GIMAP1: variants seen among roughly 807,000 people sequenced by gnomAD.
GIMAP1 encodes GTPase, IMAP family member 1.
For synonymous variants in GIMAP1, 230 were observed against 187.7 expected (o/e 1.23, Z -1.84); for missense variants, 423 against 411.9 (o/e 1.03, Z -0.23).
chr7:150,720,871 G>A lies in GIMAP1; in HGVS notation c.867G>A (p.Trp289Ter). Residue 289 changes from tryptophan (W) to a stop codon, truncating the protein, a stop_gained, in exon 3 of 3, where the codon TGG (tryptophan) becomes TGA (stop). Coordinates refer to ENST00000307194, the MANE Select transcript of GIMAP1 (RefSeq NM_130759.4). LOFTEE classifies it low-confidence loss of function (END_TRUNC). The surrounding 1 kb of genome is among the most constrained non-coding windows in gnomAD (Gnocchi z 4.5). ...TGCTGGGGGGCGCGCTCCTGTTCTG[G>A]GTGCTGCTCCACAGGCGGTGGTCGG... is the stretch of plus-strand genomic sequence containing the variant. ...ALLLGGALLF[W>*]VLLHRRWSEA... 1 of 1,603,160 alleles carries A rather than the reference G, an allele frequency of 6.2e-7. No homozygotes were observed. Among genetic ancestry groups the A allele is most frequent in the South Asian group, 1.1e-5 (1 of 90,492 alleles).
rs754697498 is a variant in GIMAP1 at position 150,720,346 on chromosome 7, G to A, written c.342G>A (p.Ala114=). Residue 114 remains alanine, a synonymous_variant, in exon 3 of 3, where the codon GCG becomes GCA. Coordinates refer to ENST00000307194, the MANE Select transcript of GIMAP1 (RefSeq NM_130759.4). This position sits in a 1 kb window ranked among gnomAD's most constrained non-coding sequence, Gnocchi z 4.5. ...TGCTCTCGGCCCCCGGACCCCACGC[G>A]CTGCTCCTGGTGACCCAGTTGGGTC... ...CYLLSAPGPH[A]LLLVTQLGRF... The A allele has an allele frequency of 1.6e-5, 26 of 1,611,710 alleles. No homozygotes were observed. The East Asian group carries it at 2.7e-4, about 17-fold the overall frequency.
rs576020458 is a variant in GIMAP1, at chr7:150,723,835, T to C, written c.*2910T>C. ...CCTTCCTCTCCTCTCCTTTTATCTC[T>C]TGGAAGATAAAAATGTATGGGTCCT... On this transcript the variant is annotated 3_prime_UTR_variant, in exon 3 of 3. Coordinates refer to ENST00000307194, the MANE Select transcript of GIMAP1 (RefSeq NM_130759.4). 1 of 152,322 alleles carries C rather than the reference T, an allele frequency of 6.6e-6. No individual in the cohort carries two copies. Among genetic ancestry groups the C allele is most frequent in the Non-Finnish European group, 1.5e-5 (1 of 68,036 alleles). The allele number at this position is 152,322 out of a possible 1,614,324, so 9.4% of individuals were successfully genotyped here.
Position 150,723,778 on chromosome 7 carries a change from T to C in GIMAP1, c.*2853T>C, listed in dbSNP as rs1023135559. The C allele has an allele frequency of 3.3e-5, 5 of 152,164 alleles. No homozygotes were observed. The highest frequency in any genetic ancestry group is 1.9e-4 in the East Asian group (1 of 5,200). 9.4% of individuals were successfully genotyped at this position (152,164 alleles called of 1,614,324 possible). On this transcript the variant is annotated 3_prime_UTR_variant, in exon 3 of 3. Transcript: ENST00000307194. ...AAAATACTGTCCAATACCTCAAAAA[T>C]TGTGTAAATATATATCCATTTCAAT...
rs568406517 is a variant in GIMAP1 at position 150,724,175 on chromosome 7, T to C, written c.*3250T>C. On this transcript the variant is annotated 3_prime_UTR_variant, in exon 3 of 3. Transcript: ENST00000307194. ...CTAGACTATGGCTCAACACTCATTT[T>C]TCCCCCATGATTCTTAATCTAACAG... is the stretch of plus-strand genomic sequence containing the variant. The C allele has an allele frequency of 1.3e-5, 2 of 152,204 alleles. No homozygotes were observed. Among genetic ancestry groups the C allele is most frequent in the East Asian group, 1.9e-4 (1 of 5,184 alleles). The allele number at this position is 152,204 out of a possible 1,614,324, so 9.4% of individuals were successfully genotyped here.
chr7:150,720,816 C>T lies in GIMAP1; in HGVS notation c.812C>T (p.Pro271Leu). ...CGGCTGTGGAAGTGGCTGAAGTCCC[C>T]CAGGAGCTGGAGGCTGGGCCTGGCC... ...SARLWKWLKS[P>L]RSWRLGLALL... is the part of the protein sequence containing the mutation. Residue 271 changes from proline to leucine, a missense_variant, in exon 3 of 3, where the codon CCC (proline) becomes CTC (leucine). Transcript: ENST00000307194. This position sits in a 1 kb window ranked among gnomAD's most constrained non-coding sequence, Gnocchi z 4.5. The T allele has an allele frequency of 6.3e-7, 1 of 1,598,926 alleles. No individual in the cohort carries two copies. Among genetic ancestry groups the T allele is most frequent in the Non-Finnish European group, 8.5e-7 (1 of 1,174,368 alleles).
chr7:150,719,446 A>C (rs1457065294), intron 2 of GIMAP1: 1 of 210,418 alleles, frequency 4.8e-6, no homozygotes, highest in Non-Finnish European at 9.3e-6. Flanking sequence ...TATTCTTTTT[A>C]GGCAGCCAGT....
Position 150,723,927 on chromosome 7 carries a change from A to G in GIMAP1, c.*3002A>G, listed in dbSNP as rs933398124. ...CTGGATCAGCTTTTGTTCTACACAA[A>G]AAGACTTGTATCTGGCTTATTTCTG... On this transcript the variant is annotated 3_prime_UTR_variant, in exon 3 of 3. Transcript: ENST00000307194. The G allele has an allele frequency of 6.6e-6, 1 of 152,198 alleles. No individual in the cohort carries two copies. Among genetic ancestry groups the G allele is most frequent in the Non-Finnish European group, 1.5e-5 (1 of 68,034 alleles). 9.4% of individuals were successfully genotyped at this position (152,198 alleles called of 1,614,324 possible).
chr7:150,718,180 G>A (rs1797244822), intron 1 of GIMAP1, among the ~76,000 whole-genome samples: 1 of 152,180 alleles, frequency 6.6e-6, no homozygotes, highest in African/African-American at 2.4e-5. Flanking sequence ...CATAGATGCA[G>A]GGAGAAGTGA....
chr7:150,719,120 G>GC (rs1346748992), intron 2 of GIMAP1, 30 bp downstream of exon 2: 5 of 1,613,766 alleles, frequency 3.1e-6, no homozygotes, highest in Non-Finnish European at 3.4e-6. Flanking sequence ...CCTCATACTT[G>GC]CCCCCCTAGG....
rs1794465006 is a variant in GIMAP1, at chr7:150,724,176, T to C, written c.*3251T>C. 6.6e-6 allele frequency: 1 copy of C among 152,140 alleles called. No individual in the cohort carries two copies. The highest frequency in any genetic ancestry group is 2.1e-4 in the South Asian group (1 of 4,812). The allele number at this position is 152,140 out of a possible 1,614,324, so 9.4% of individuals were successfully genotyped here. ...TAGACTATGGCTCAACACTCATTTTTCCCCCATGATTCTTAATCTAACAGT... is the reference window on the plus strand; with the variant it reads ...TAGACTATGGCTCAACACTCATTTTCCCCCCATGATTCTTAATCTAACAGT... On this transcript the variant is annotated 3_prime_UTR_variant, in exon 3 of 3. Coordinates refer to ENST00000307194, the MANE Select transcript of GIMAP1 (RefSeq NM_130759.4).
In GIMAP1 at chr7:150,720,670, C is replaced by A; in HGVS notation, c.666C>A (p.Asn222Lys). 6.2e-7 allele frequency: 1 copy of A among 1,603,996 alleles called. No individual in the cohort carries two copies. ...AGCACAAGGGCGCCCATTACTCCAA[C>A]GAGGTGTATGAGCTGGCGCAGGTGC... ...VLEHKGAHYSNEVYELAQVLR... is the reference protein window; with the variant it reads ...VLEHKGAHYSKEVYELAQVLR... The change falls in exon 3 of 3, where the codon AAC becomes AAA. Residue 222 changes from asparagine (N) to lysine (K), a missense_variant. Physicochemically the swap from Asn to Lys is moderately conservative, Grantham distance 94. Coordinates refer to ENST00000307194, the MANE Select transcript of GIMAP1 (RefSeq NM_130759.4). This position sits in a 1 kb window ranked among gnomAD's most constrained non-coding sequence, Gnocchi z 4.5.
Position 150,720,575 on chromosome 7 carries a change from C to T in GIMAP1, c.571C>T (p.Arg191Trp), listed in dbSNP as rs372451334. Residue 191 changes from arginine (R) to tryptophan (W), a missense_variant, in exon 3 of 3, where the codon CGG becomes TGG. Coordinates refer to ENST00000307194, the MANE Select transcript of GIMAP1 (RefSeq NM_130759.4). The surrounding 1 kb of genome is among the most constrained non-coding windows in gnomAD (Gnocchi z 4.5). ...GGGCCGGGTCTGTGCCTTTGATAAC[C>T]GGGCCACCGGCCGGGAGCAGGAAGC... ...CGGRVCAFDN[R>W]ATGREQEAQV... 6.3e-5 allele frequency: 102 copies of T among 1,613,436 alleles called. No individual in the cohort carries two copies. The highest frequency in any genetic ancestry group is 8.2e-5 in the Non-Finnish European group (97 of 1,179,756).
chr7:150,721,067 T>C lies in GIMAP1; in HGVS notation c.*142T>C, dbSNP rs1449299048. ...ACACAGAAAACTTTGCTGCATCACC[T>C]TTGCAACTTTGCCAAAGCTCAGAGT... On this transcript the variant is annotated 3_prime_UTR_variant, in exon 3 of 3. Transcript: ENST00000307194. 2.9e-6 allele frequency: 2 copies of C among 698,562 alleles called. No homozygotes were observed. The highest frequency in any genetic ancestry group is 3.2e-5 in the East Asian group (1 of 31,322). The allele number at this position is 698,562 out of a possible 1,614,324, so 43.3% of individuals were successfully genotyped here.
rs1186690036 is a variant in GIMAP1 at position 150,720,740 on chromosome 7, C to T, written c.736C>T (p.Arg246Cys). 1 of 1,564,848 alleles carries T rather than the reference C, an allele frequency of 6.4e-7. No homozygotes were observed. The highest frequency in any genetic ancestry group is 1.2e-5 in the South Asian group (1 of 86,262). The stretch of plus-strand genomic sequence containing the variant: ...GGAGCGGCTCCGGCGGGTGGCGGAG[C>T]GCGTGGCAGCCAGGGTGCAGAGGAG... ...PEERLRRVAERVAARVQRRPW... is the reference protein window; with the variant it reads ...PEERLRRVAECVAARVQRRPW... The change falls in exon 3 of 3, where the codon CGC becomes TGC. Residue 246 changes from arginine to cysteine, a missense_variant. Transcript: ENST00000307194. This position sits in a 1 kb window ranked among gnomAD's most constrained non-coding sequence, Gnocchi z 4.5.
In GIMAP1 at chr7:150,718,985, ATGCCTATTTG is replaced by A. The variant is rs1331755995; in HGVS notation, c.-6-56_-6-47del. On this transcript the variant is annotated intron_variant, in intron 1 of 2. Coordinates refer to ENST00000307194, the MANE Select transcript of GIMAP1 (RefSeq NM_130759.4). ...TAGGTGGTTATGCCTATTTGTGGTT[ATGCCTATTTG>A]AGGAATAAATAAATGAATTAACAAA... The A allele has an allele frequency of 2.4e-4, 272 of 1,149,154 alleles. 5 individuals carry two copies. In the East Asian group the frequency reaches 6.9e-3, roughly 29 times the overall value. 71.2% of individuals were successfully genotyped at this position (1,149,154 alleles called of 1,614,324 possible). A position where few individuals can be genotyped will look rare whatever the true frequency, so the allele number is the denominator to read the frequency against.
At position 150,720,310 on chromosome 7, in the gene GIMAP1, T is replaced by C; in HGVS notation, c.306T>C (p.Gly102=). The C allele has an allele frequency of 6.2e-7, 1 of 1,614,062 alleles. No individual in the cohort carries two copies. Among genetic ancestry groups the C allele is most frequent in the African/African-American group, 1.3e-5 (1 of 75,004 alleles). ...CAGATCCTGGCTGTGAGGAGAGAGGTCACTGCTACCTGCTCTCGGCCCCCG... is the reference window on the plus strand; with the variant it reads ...CAGATCCTGGCTGTGAGGAGAGAGGCCACTGCTACCTGCTCTCGGCCCCCG... ...SKTDPGCEER[G]HCYLLSAPGP... Residue 102 remains glycine (G), a synonymous_variant, in exon 3 of 3, where the codon GGT becomes GGC. Coordinates refer to ENST00000307194, the MANE Select transcript of GIMAP1 (RefSeq NM_130759.4). This position sits in a 1 kb window ranked among gnomAD's most constrained non-coding sequence, Gnocchi z 4.5.
In GIMAP1 at chr7:150,723,672, A is replaced by T. The variant is rs567086524; in HGVS notation, c.*2747A>T. ...TTGAGTGATTTGATAGCACAAATCA[A>T]TTTTATACTTAAATTACAGCATAAA... is the stretch of plus-strand genomic sequence containing the variant. On this transcript the variant is annotated 3_prime_UTR_variant, in exon 3 of 3. Coordinates refer to ENST00000307194, the MANE Select transcript of GIMAP1 (RefSeq NM_130759.4). 6.6e-5 allele frequency: 10 copies of T among 152,302 alleles called. No homozygotes were observed. The highest frequency in any genetic ancestry group is 2.2e-4 in the African/African-American group (9 of 41,552). 9.4% of individuals were successfully genotyped at this position (152,302 alleles called of 1,614,324 possible).
In GIMAP1 at chr7:150,720,020, A is replaced by G. The variant is rs759845980; in HGVS notation, c.44-28A>G. On this transcript the variant is annotated intron_variant, in intron 2 of 2. Transcript: ENST00000307194. The surrounding 1 kb of genome is among the most constrained non-coding windows in gnomAD (Gnocchi z 4.5). ...CCCAAGGGGAAGTTGGTTAAACTTA[A>G]GTAAGATTATAACACTTGGTCTCAC... The G allele has an allele frequency of 6.6e-7, 1 of 1,523,090 alleles. No homozygotes were observed. The highest frequency in any genetic ancestry group is 8.8e-7 in the Non-Finnish European group (1 of 1,134,462). 94.3% of individuals were successfully genotyped at this position (1,523,090 alleles called of 1,614,324 possible).
rs762973003 is a variant in GIMAP1 at position 150,720,763 on chromosome 7, G to C, written c.759G>C (p.Arg253Ser). 8 of 1,570,588 alleles carry C rather than the reference G, an allele frequency of 5.1e-6. No individual in the cohort carries two copies. Among genetic ancestry groups the C allele is most frequent in the Non-Finnish European group, 6.0e-6 (7 of 1,158,682 alleles). The change falls in exon 3 of 3, where the codon AGG becomes AGC. Residue 253 changes from arginine (R) to serine (S), a missense_variant. Physicochemically the swap from Arg to Ser is moderately radical, Grantham distance 110 (BLOSUM62 -1). Coordinates refer to ENST00000307194, the MANE Select transcript of GIMAP1 (RefSeq NM_130759.4). The surrounding 1 kb of genome is among the most constrained non-coding windows in gnomAD (Gnocchi z 4.5). ...VAERVAARVQ[R>S]RPWGAWLSAR... ...AGCGCGTGGCAGCCAGGGTGCAGAG[G>C]AGGCCATGGGGCGCCTGGCTGTCGG...
Sources: gnomAD v4.1 joint callset for allele counts (sites outside exome capture counted in the v4.1 genomes callset) on GRCh38, gnomAD v4.1.1 for gene constraint, Gnocchi (gnomAD v3.1) non-coding constraint, MANE v1.5 for transcripts, NCBI Gene and HGNC (gene_info 2026-07-23, HGNC 2026-07-21) for gene names.